Variants in ARHGAP26 observed in about 807,000 individuals in gnomAD.
ARHGAP26 encodes the protein Rho GTPase activating protein 26, also known as rho GTPase-activating protein 26.
ARHGAP26 carries 38 observed loss-of-function variants against 104.8 expected under a neutral mutation model. The ratio of observed to expected loss-of-function variants is 0.36; its 90% CI spans 0.28 to 0.48. ARHGAP26 has a LOEUF of 0.48. Among genes scored for constraint, ARHGAP26 ranks in the 20% least tolerant of loss-of-function variants. The probability of loss-of-function intolerance (pLI) is 0.99; values close to 1 mark genes in which losing one functional copy is unlikely to be tolerated. For synonymous variants in ARHGAP26, 341 were observed against 340.0 expected, an observed-to-expected ratio of 1.00 and a Z score of -0.03; for missense variants, 704 against 947.9, an observed-to-expected ratio of 0.74 and a Z score of 3.38.
chr5:143,091,374 G>A (rs1791417594), intron 17 of ARHGAP26, among the ~76,000 whole-genome samples: 1 of 152,136 alleles, frequency 6.6e-6, no homozygotes, highest in Non-Finnish European at 1.5e-5. Flanking sequence ...TTAGTTTTGC[G>A]GGAAAGGAAA....
Position 143,012,552 on chromosome 5 carries a change from C to CATATATATATATATATGTATATATATAT in ARHGAP26, c.1108-1512_1108-1511insGTATATATATATATATATATATATATAT, listed in dbSNP as rs1778950826. On this transcript the variant is annotated intron_variant, in intron 11 of 22. Coordinates refer to ENST00000645722, the MANE Select transcript of ARHGAP26 (RefSeq NM_001135608.3). ...AGGGATATATTTATATACATACATA[C>CATATATATATATATATGTATATATATAT]ATATATATATATATATATATATATT... Among the ~76,000 whole-genome samples, 2 of 20,846 alleles carry CATATATATATATATATGTATATATATAT rather than the reference C, an allele frequency of 9.6e-5. 1 individual carries two copies. The highest frequency in any genetic ancestry group is 2.8e-4 in the Non-Finnish European group (2 of 7,252). 13.7% of individuals were successfully genotyped at this position (20,846 alleles called of 152,430 possible). A position where few individuals can be genotyped will look rare whatever the true frequency, so the allele number is the denominator to read the frequency against.
intron 17 of ARHGAP26, among the ~76,000 whole-genome samples, chr5:143,110,913 C>G (rs1794702040): frequency 6.6e-6 from 1 of 152,326 alleles, no homozygotes; most frequent in South Asian, 2.1e-4. Flanking sequence ...AATCAGTTAA[C>G]CCCTGGATCT....
At chr5:142,962,835 G>A (rs1485464739) in intron 11 of ARHGAP26, among the ~76,000 whole-genome samples, 3 of 152,010 alleles carry the variant, frequency 2.0e-5, no homozygotes, top group Non-Finnish European at 4.4e-5. Flanking sequence ...GGGTACATGT[G>A]CAGGTTTGTT....
At chr5:142,789,749 G>A (rs1257612700) in intron 1 of ARHGAP26, among the ~76,000 whole-genome samples, 2 of 152,112 alleles carry the variant, frequency 1.3e-5, no homozygotes, top group African/African-American at 2.4e-5. Flanking sequence ...TAGCAGACTC[G>A]AACACTTGGG....
chr5:142,804,201 G>A (rs540797475), intron 1 of ARHGAP26, among the ~76,000 whole-genome samples: 1 of 152,092 alleles, frequency 6.6e-6, no homozygotes, highest in Non-Finnish European at 1.5e-5. Flanking sequence ...TACAAAAAAC[G>A]ACAGTTTTAT....
intron 11 of ARHGAP26, among the ~76,000 whole-genome samples, chr5:142,984,747 C>T (rs2152738683): frequency 6.6e-6 from 1 of 152,228 alleles, no homozygotes; most frequent in East Asian, 1.9e-4. Flanking sequence ...CATATTACTG[C>T]AACACATCAT....
chr5:142,876,811 T>G (rs1298390756), intron 3 of ARHGAP26, among the ~76,000 whole-genome samples: 1 of 150,480 alleles, frequency 6.6e-6, no homozygotes, highest in Non-Finnish European at 1.5e-5. Context: ...AAGGATTTCT[T>G]TAAAACTCCA....
At chr5:142,816,137 C>T (rs541436438) in intron 1 of ARHGAP26, among the ~76,000 whole-genome samples, 2 of 152,240 alleles carry the variant, frequency 1.3e-5, no homozygotes, top group South Asian at 4.2e-4. Context: ...TTCCCTTCTA[C>T]AGCATAGAGA....
chr5:142,922,795 A>C (rs3797081), intron 10 of ARHGAP26, among the ~76,000 whole-genome samples: 1 of 151,682 alleles, frequency 6.6e-6, no homozygotes, highest in Non-Finnish European at 1.5e-5. Flanking sequence ...ACATGAATCC[A>C]TTTTTCCTGG....
At chr5:142,902,424 G>A (rs1053976011) in intron 7 of ARHGAP26, among the ~76,000 whole-genome samples, 5 of 152,150 alleles carry the variant, frequency 3.3e-5, no homozygotes, top group African/African-American at 2.4e-5. Flanking sequence ...CTGGGAATGG[G>A]GGCTGGGGAC....
chr5:142,974,996 C>A (rs963107648), intron 11 of ARHGAP26, among the ~76,000 whole-genome samples: 1 of 152,126 alleles, frequency 6.6e-6, no homozygotes, highest in African/African-American at 2.4e-5. Context: ...AGATCTAGCA[C>A]CAAACCTCCC....
At chr5:143,216,084 A>AT (rs1810312317) in intron 22 of ARHGAP26, 6 of 433,872 alleles carry the variant, frequency 1.4e-5, no homozygotes, top group Admixed American at 2.7e-5. Flanking sequence ...ACCTTCTTTC[A>AT]TTTTTAAGTC....
At chr5:142,791,973 T>G (rs1293369597) in intron 1 of ARHGAP26, among the ~76,000 whole-genome samples, 1 of 150,844 alleles carries the variant, frequency 6.6e-6, no homozygotes, top group Non-Finnish European at 1.5e-5. Flanking sequence ...GGTGTTAAGT[T>G]TTGACAAATC....
chr5:142,973,360 G>C (rs910903916), intron 11 of ARHGAP26, among the ~76,000 whole-genome samples: 1 of 152,192 alleles, frequency 6.6e-6, no homozygotes, highest in Non-Finnish European at 1.5e-5. Flanking sequence ...TGTGACAGTA[G>C]CGACATCCAA....
At chr5:142,852,187 G>A (rs2152268631) in intron 1 of ARHGAP26, among the ~76,000 whole-genome samples, 1 of 152,380 alleles carries the variant, frequency 6.6e-6, no homozygotes, top group South Asian at 2.1e-4. Context: ...CAAAGCATCA[G>A]AGAGGTAGTT....
intron 17 of ARHGAP26, among the ~76,000 whole-genome samples, chr5:143,069,557 C>T (rs1787961033): frequency 6.6e-6 from 1 of 152,192 alleles, no homozygotes; most frequent in African/African-American, 2.4e-5. Context: ...GTTGGGGACT[C>T]ACCTGTCTTT....
At chr5:143,079,885 C>T (rs1427606505) in intron 17 of ARHGAP26, among the ~76,000 whole-genome samples, 1 of 152,144 alleles carries the variant, frequency 6.6e-6, no homozygotes, top group Non-Finnish European at 1.5e-5. Context: ...GTGCCCAAAG[C>T]CTAGGCTCAT....
At chr5:143,098,983 G>A (rs1450799683) in intron 17 of ARHGAP26, among the ~76,000 whole-genome samples, 3 of 152,214 alleles carry the variant, frequency 2.0e-5, no homozygotes, top group Admixed American at 2.0e-4. Flanking sequence ...AAAGAGGACA[G>A]CAGAGGCTTG....
chr5:142,952,172 C>A (rs1768491209), intron 11 of ARHGAP26, among the ~76,000 whole-genome samples: 3 of 151,882 alleles, frequency 2.0e-5, no homozygotes, highest in African/African-American at 7.3e-5. Flanking sequence ...ACTTTTTTTT[C>A]CAAATAAGGT....
Sources: gnomAD v4.1 joint callset for allele counts (sites outside exome capture counted in the v4.1 genomes callset) on GRCh38, gnomAD v4.1.1 for gene constraint, MANE v1.5 for transcripts, NCBI Gene and HGNC (gene_info 2026-07-23, HGNC 2026-07-21) for gene names.